The following PPP2R5C variants were observed in gnomAD, a reference collection of about 807,000 sequenced individuals.
PPP2R5C encodes the protein protein phosphatase 2 regulatory subunit B'gamma, also known as serine/threonine-protein phosphatase 2A 56 kDa regulatory subunit gamma isoform.
PPP2R5C carries 7 observed loss-of-function variants against 68.9 expected under a neutral mutation model. That is an observed-to-expected ratio of 0.10 (90% confidence interval 0.06 to 0.19). The LOEUF is 0.19. PPP2R5C is among the 10% of genes least tolerant of loss of function. The pLI, the probability that PPP2R5C is intolerant of heterozygous loss-of-function variation, is 1.00. For missense variants in PPP2R5C, 348 were observed against 641.3 expected (o/e 0.54, Z 4.94); for synonymous variants, 210 against 222.2 (o/e 0.95, Z 0.49).
intron 8 of PPP2R5C, among the ~76,000 whole-genome samples, chr14:101,900,535 G>A (rs894290445): frequency 4.3e-4 from 65 of 152,242 alleles, no homozygotes; most frequent in African/African-American, 1.5e-3. Flanking sequence ...GTACAATTCA[G>A]TGTGTAAGCA....
At chr14:101,769,222 T>A (rs1056686073) in intron 2 of PPP2R5C, among the ~76,000 whole-genome samples, 8 of 151,838 alleles carry the variant, frequency 5.3e-5, no homozygotes, top group Non-Finnish European at 1.2e-4. Flanking sequence ...ATATTTTAAA[T>A]GCTTATAGCA....
At chr14:101,777,509 C>A (rs1355534582) in intron 2 of PPP2R5C, among the ~76,000 whole-genome samples, 6 of 151,962 alleles carry the variant, frequency 3.9e-5, no homozygotes, top group Admixed American at 2.6e-4. Context: ...ACCACCATGC[C>A]CGGCTAATTT....
chr14:101,832,344 A>G (rs758485921), intron 1 of PPP2R5C, among the ~76,000 whole-genome samples: 1 of 152,230 alleles, frequency 6.6e-6, no homozygotes, highest in Non-Finnish European at 1.5e-5. Context: ...TACTTTAATA[A>G]TTATATATTG....
chr14:101,852,469 C>CTTTTTTTTTTTTTTTTTTTTTTTTT (rs559509845), intron 1 of PPP2R5C, among the ~76,000 whole-genome samples: 4 of 115,088 alleles, frequency 3.5e-5, no homozygotes, highest in African/African-American at 1.3e-4. Flanking sequence ...TTTTCTTTTT[C>CTTTTTTTTTTTTTTTTTTTTTTTTT]TTTTTTTTTT....
In PPP2R5C at chr14:101,819,203, G is replaced by C. The variant is rs1273996082; in HGVS notation, c.94+9167G>C. 8 of 885,726 alleles carry C rather than the reference G, an allele frequency of 9.0e-6. No homozygotes were observed. The South Asian group carries it at 1.3e-4, about 14-fold the overall frequency. 54.9% of individuals were successfully genotyped at this position (885,726 alleles called of 1,614,324 possible). Reference sequence around the variant, plus strand: ...TTTCCCAGCTTTATGTAATTGGTCAGACTTCTCAAAGGGGGGTAGCACTTG... The same window carrying C: ...TTTCCCAGCTTTATGTAATTGGTCACACTTCTCAAAGGGGGGTAGCACTTG... On this transcript the variant is annotated intron_variant, in intron 1 of 13. Coordinates refer to ENST00000334743, the Ensembl canonical transcript of PPP2R5C.
intron 13 of PPP2R5C, among the ~76,000 whole-genome samples, chr14:101,922,917 A>T (rs939758165): frequency 5.3e-5 from 8 of 152,252 alleles, no homozygotes; most frequent in African/African-American, 1.9e-4. Flanking sequence ...CACCTTTATA[A>T]GAGGAAGGAA....
At chr14:101,894,797 G>A (rs7145940) in intron 8 of PPP2R5C, among the ~76,000 whole-genome samples, 17,394 of 152,042 alleles carry the variant, frequency 0.11, 1,618 homozygotes, top group African/African-American at 0.25. Flanking sequence ...CTTGTCCCTC[G>A]TTGCACTTTA....
chr14:101,892,021 A>C (rs973596036), intron 6 of PPP2R5C, among the ~76,000 whole-genome samples: 43 of 152,220 alleles, frequency 2.8e-4, no homozygotes, highest in Admixed American at 2.2e-3. Context: ...CAGTGGCCCG[A>C]TCTCAGCTCA....
rs948443262 is a variant in PPP2R5C, at chr14:101,913,049, C to T, written c.1326+576C>T. On this transcript the variant is annotated intron_variant, in intron 12 of 13. Transcript: ENST00000334743. This position sits in a 1 kb window ranked among gnomAD's most constrained non-coding sequence, Gnocchi z 4.1. ...CGATGGCCGGACGTCCCGGAGCTGC[C>T]GGCAGTTCCAGCTGCCGGGGCTGCC... 3.9e-5 allele frequency among the ~76,000 whole-genome samples: 6 copies of T among 152,216 alleles called. No homozygotes were observed. The highest frequency in any genetic ancestry group is 2.1e-4 in the South Asian group (1 of 4,834).
chr14:101,878,402 A>G (rs1006253701), intron 2 of PPP2R5C, among the ~76,000 whole-genome samples: 2 of 152,210 alleles, frequency 1.3e-5, no homozygotes, highest in Non-Finnish European at 2.9e-5. Context: ...GTGAGTGTGC[A>G]GGTGTTTGAG....
intron 9 of PPP2R5C, among the ~76,000 whole-genome samples, chr14:101,903,741 T>A (rs2045856442): frequency 6.6e-6 from 1 of 152,074 alleles, no homozygotes; most frequent in South Asian, 2.1e-4. Flanking sequence ...AGTGGTGCGA[T>A]CTCGGCTCAT....
intron 5 of PPP2R5C, among the ~76,000 whole-genome samples, chr14:101,886,480 G>C (rs1218191690): frequency 6.6e-6 from 1 of 151,956 alleles, no homozygotes; most frequent in African/African-American, 2.4e-5. Context: ...GCTTTTGATA[G>C]TCTTTTCTGT....
rs202045416 is a variant in PPP2R5C, at chr14:101,861,074, CCTT to C, written c.294+4195_294+4197del. Among the ~76,000 whole-genome samples, 1,026 of 152,256 alleles carry C rather than the reference CCTT, an allele frequency of 6.7e-3. 7 individuals are homozygous for C. Among genetic ancestry groups the C allele is most frequent in the African/African-American group, 0.023 (973 of 41,532 alleles). ...AGTTAATCTGTTTCTCGGGCACAGA[CCTT>C]CTTCTGATAGTCACAATACCAGTAG... On this transcript the variant is annotated intron_variant, in intron 2 of 13. Coordinates refer to ENST00000334743, the Ensembl canonical transcript of PPP2R5C.
At chr14:101,792,208 A>G (rs146779949) in intron 3 of PPP2R5C, among the ~76,000 whole-genome samples, 1 of 152,368 alleles carries the variant, frequency 6.6e-6, no homozygotes, top group Non-Finnish European at 1.5e-5. Context: ...CTGGTTGCCT[A>G]TCATCAGAAG....
At chr14:101,800,466 A>T (rs1236159721) in intron 3 of PPP2R5C, among the ~76,000 whole-genome samples, 1 of 152,108 alleles carries the variant, frequency 6.6e-6, no homozygotes, top group Non-Finnish European at 1.5e-5. Context: ...AGGAGGCTGA[A>T]GCACAAGAAT....
At chr14:101,925,342 C>T (rs2047243761) in exon 14 of PPP2R5C, 1 of 1,576,658 alleles carries the variant, frequency 6.3e-7, no homozygotes, top group African/African-American at 1.4e-5. Flanking sequence ...TACATACTTC[C>T]TGTGCCATAC....
At chr14:101,927,483 C>G (rs757571056) in exon 14 of PPP2R5C, 1 of 152,620 alleles carries the variant, frequency 6.6e-6, no homozygotes, top group Admixed American at 6.5e-5. Flanking sequence ...TTCAAAAGTA[C>G]TACATTGAAA....
intron 5 of PPP2R5C, among the ~76,000 whole-genome samples, chr14:101,889,483 A>C (rs2044721848): frequency 6.6e-6 from 1 of 152,218 alleles, no homozygotes; most frequent in African/African-American, 2.4e-5. Context: ...AACAGATGCC[A>C]GGCTTGCTCC....
chr14:101,923,452 CAT>C (rs998339147), intron 13 of PPP2R5C, among the ~76,000 whole-genome samples: 1 of 152,156 alleles, frequency 6.6e-6, no homozygotes, highest in Non-Finnish European at 1.5e-5. Context: ...TACAGATCAA[CAT>C]AGAATGGGCA....
Sources: gnomAD v4.1 joint callset for allele counts (sites outside exome capture counted in the v4.1 genomes callset) on GRCh38, gnomAD v4.1.1 for gene constraint, Gnocchi (gnomAD v3.1) non-coding constraint, MANE v1.5 for transcripts, NCBI Gene and HGNC (gene_info 2026-07-23, HGNC 2026-07-21) for gene names.